Variants in NCALD observed in about 807,000 individuals in gnomAD.
NCALD encodes the protein neurocalcin-delta.
A neutral mutation model predicts 18.6 loss-of-function variants in NCALD; 10 were observed. The ratio of observed to expected loss-of-function variants is 0.54; its 90% CI spans 0.33 to 0.91. NCALD has a LOEUF of 0.91. Among genes scored for constraint, NCALD ranks in the 40% least tolerant of loss-of-function variants. NCALD has a pLI of 0.03. For missense variants in NCALD, 184 were observed against 247.6 expected, an observed-to-expected ratio of 0.74 and a Z score of 1.72; for synonymous variants, 88 against 87.4, an observed-to-expected ratio of 1.01 and a Z score of -0.04.
chr8:101,760,254 G>A (rs1033127755), intron 1 of NCALD, among the ~76,000 whole-genome samples: 3 of 152,120 alleles, frequency 2.0e-5, no homozygotes, highest in Non-Finnish European at 2.9e-5. Context: ...GGCTAGCAAC[G>A]GGCTTTATTT....
rs1388736015 is a variant in NCALD, at chr8:101,983,572, T to A, written c.-157+36665A>T. Among the ~76,000 whole-genome samples, 4 of 152,328 alleles carry A rather than the reference T, an allele frequency of 2.6e-5. No homozygotes were observed. The East Asian group carries it at 7.7e-4, about 29-fold the overall frequency. On this transcript the variant is annotated intron_variant, in intron 2 of 6. Coordinates refer to the NCALD transcript ENST00000311028. ...TGAGCTTGTCTTTGTGAAACAAACATTAACTAACCGAAACTGTAGGGTTGT... is the reference window on the plus strand; with the variant it reads ...TGAGCTTGTCTTTGTGAAACAAACAATAACTAACCGAAACTGTAGGGTTGT...
chr8:101,811,773 C>T (rs1284956095), intron 4 of NCALD, among the ~76,000 whole-genome samples: 1 of 152,168 alleles, frequency 6.6e-6, no homozygotes, highest in East Asian at 1.9e-4. Flanking sequence ...GTCTTCACAA[C>T]AGGCCTCCCA....
intron 1 of NCALD, among the ~76,000 whole-genome samples, chr8:102,043,709 G>A (rs1200989989): frequency 6.9e-6 from 1 of 145,940 alleles, no homozygotes; most frequent in Non-Finnish European, 1.5e-5. Context: ...AAGAGAAGGG[G>A]CAGGGGACAG....
At chr8:102,104,232 A>T (rs899401703) in intron 1 of NCALD, among the ~76,000 whole-genome samples, 4 of 152,156 alleles carry the variant, frequency 2.6e-5, no homozygotes, top group Non-Finnish European at 5.9e-5. Flanking sequence ...TAAACTGGGG[A>T]TTTTAATCAT....
intron 1 of NCALD, among the ~76,000 whole-genome samples, chr8:102,081,564 A>AAAAAACAAAAAAAAAAAACAAAC (rs1563601107): frequency 5.3e-5 from 6 of 113,720 alleles, no homozygotes; most frequent in African/African-American, 2.6e-4. Context: ...AAAAAAAAAA[A>AAAAAACAAAAAAAAAAAACAAAC]AAAAAAAAAA....
intron 1 of NCALD, among the ~76,000 whole-genome samples, chr8:102,072,659 A>T (rs1417624864): frequency 6.6e-6 from 1 of 152,142 alleles, no homozygotes; most frequent in Non-Finnish European, 1.5e-5. Flanking sequence ...ACTTTGGGAA[A>T]TGTAGTGCCT....
At position 101,931,081 on chromosome 8, in the gene NCALD, T is replaced by C. The variant is rs529245202; in HGVS notation, c.-156-15223A>G. ...CTGTCCCTGGTGTCACTAAGCCTGA[T>C]GTCCGCCAGCGTGGACCACTCCATT... On this transcript the variant is annotated intron_variant, in intron 2 of 6. Coordinates refer to the NCALD transcript ENST00000311028. 4.1e-3 allele frequency among the ~76,000 whole-genome samples: 629 copies of C among 152,292 alleles called. 4 individuals carry two copies. Among genetic ancestry groups the C allele is most frequent in the Middle Eastern group, 0.014 (4 of 294 alleles).
At chr8:102,082,154 G>A (rs1437149600) in intron 1 of NCALD, among the ~76,000 whole-genome samples, 3 of 150,298 alleles carry the variant, frequency 2.0e-5, no homozygotes, top group Non-Finnish European at 4.4e-5. Context: ...TTTGTCCTGA[G>A]AGACTTTCTT....
intron 4 of NCALD, among the ~76,000 whole-genome samples, chr8:101,876,777 A>C (rs778816624): frequency 6.6e-6 from 1 of 152,376 alleles, no homozygotes; most frequent in African/African-American, 2.4e-5. Context: ...AAATACTGTT[A>C]TGCATGTTGC....
chr8:102,106,569 C>T (rs10955280), intron 1 of NCALD, among the ~76,000 whole-genome samples: 52,392 of 151,482 alleles, frequency 0.35, 10,074 homozygotes, highest in African/African-American at 0.5. Flanking sequence ...TATCCTGCAG[C>T]GTGCCCTGAT....
chr8:101,732,525 A>G (rs554688008), intron 1 of NCALD, among the ~76,000 whole-genome samples: 3 of 151,238 alleles, frequency 2.0e-5, no homozygotes, highest in East Asian at 1.9e-4. Context: ...AGTATCCTAC[A>G]TAGGACAGGG....
upstream of NCALD, among the ~76,000 whole-genome samples, chr8:101,795,073 A>G (rs1217468814): frequency 6.6e-6 from 1 of 152,198 alleles, no homozygotes; most frequent in African/African-American, 2.4e-5. Flanking sequence ...TGTCCTGAAT[A>G]CAACTATGCC....
intron 1 of NCALD, among the ~76,000 whole-genome samples, chr8:102,063,511 G>A (rs374493055): frequency 5.9e-5 from 9 of 152,084 alleles, no homozygotes; most frequent in Non-Finnish European, 1.2e-4. Context: ...GGAATAAGTA[G>A]ATAAAGGGAC....
intron 2 of NCALD, among the ~76,000 whole-genome samples, chr8:101,942,215 C>A (rs1818985187): frequency 6.6e-6 from 1 of 152,180 alleles, no homozygotes; most frequent in East Asian, 1.9e-4. Context: ...CCATATGAGA[C>A]AATGAGGAGA....
At chr8:102,089,689 G>A (rs1824860222) in intron 1 of NCALD, among the ~76,000 whole-genome samples, 1 of 152,088 alleles carries the variant, frequency 6.6e-6, no homozygotes, top group Non-Finnish European at 1.5e-5. Context: ...ATTATAAAAA[G>A]TAATGGGAAT....
At chr8:101,942,153 G>C (rs1818982263) in intron 2 of NCALD, among the ~76,000 whole-genome samples, 1 of 152,092 alleles carries the variant, frequency 6.6e-6, no homozygotes, top group African/African-American at 2.4e-5. Context: ...CTAGAGAATA[G>C]GTGACACCCA....
At chr8:101,698,738 T>C (rs966824234) in intron 2 of NCALD, among the ~76,000 whole-genome samples, 1 of 152,154 alleles carries the variant, frequency 6.6e-6, no homozygotes. Flanking sequence ...TGCAGAAAAC[T>C]GAAACTGCAC....
intron 1 of NCALD, among the ~76,000 whole-genome samples, chr8:101,762,304 ATAATT>A (rs1421855725): frequency 6.6e-6 from 1 of 152,202 alleles, no homozygotes; most frequent in African/African-American, 2.4e-5. Context: ...CTCTGGTGAG[ATAATT>A]TAATACTATT....
At chr8:101,730,168 C>A (rs147005651) in intron 1 of NCALD, among the ~76,000 whole-genome samples, 36 of 152,180 alleles carry the variant, frequency 2.4e-4, no homozygotes, top group African/African-American at 8.7e-4. Flanking sequence ...CTATATTATT[C>A]TTTAACCTTC....
Sources: gnomAD v4.1 joint callset for allele counts (sites outside exome capture counted in the v4.1 genomes callset) on GRCh38, gnomAD v4.1.1 for gene constraint, MANE v1.5 for transcripts, NCBI Gene and HGNC (gene_info 2026-07-23, HGNC 2026-07-21) for gene names.